Variants in SLC20A2 observed in about 807,000 individuals in gnomAD.
SLC20A2 encodes sodium-dependent phosphate transporter 2.
Under a neutral mutation model 61.0 loss-of-function variants are expected in SLC20A2, and 30 were observed. The observed-to-expected ratio is 0.49, with a 90% CI of 0.37 to 0.67. The LOEUF (loss-of-function observed/expected upper bound fraction) is 0.67, where lower values mean the gene tolerates loss of function less well. SLC20A2 is among the 30% of genes least tolerant of loss of function. The pLI is 0.00. For missense variants in SLC20A2, 626 were observed against 866.4 expected (o/e 0.72, Z 3.48); for synonymous variants, 351 against 353.3 (o/e 0.99, Z 0.07).
Position 42,490,740 on chromosome 8 carries a change from C to T in SLC20A2, c.-265+10291G>A, listed in dbSNP as rs184739089. ...AAGCAGAGATGGCAAAAATCAGGCC[C>T]GAGAGAAAGAGGTGAGTTGCCGGGC... is the stretch of plus-strand genomic sequence containing the variant. On this transcript the variant is annotated intron_variant, in intron 1 of 10. Coordinates refer to ENST00000520262, the MANE Select transcript of SLC20A2 (RefSeq NM_001257180.2). Among the ~76,000 whole-genome samples the T allele has an allele frequency of 1.8e-3, 279 of 152,210 alleles. 4 individuals carry two copies. Among genetic ancestry groups the T allele is most frequent in the Middle Eastern group, 3.4e-3 (1 of 294 alleles).
chr8:42,517,115 G>GA (rs1811364735), intron 1 of SLC20A2, among the ~76,000 whole-genome samples: 47 of 152,160 alleles, frequency 3.1e-4, no homozygotes, highest in Admixed American at 3.1e-3. Flanking sequence ...GCTATCTATA[G>GA]TATTAGTCAT....
chr8:42,454,629 T>C (rs114322337), intron 5 of SLC20A2, among the ~76,000 whole-genome samples: 1 of 152,084 alleles, frequency 6.6e-6, no homozygotes, highest in African/African-American at 2.4e-5. Flanking sequence ...AGATTTTTTT[T>C]TTTTTTTGAG....
intron 6 of SLC20A2, among the ~76,000 whole-genome samples, chr8:42,444,190 G>A (rs555618059): frequency 2.2e-4 from 34 of 152,266 alleles, no homozygotes; most frequent in African/African-American, 7.5e-4. Flanking sequence ...ACTTTATAAA[G>A]AAACTGCAAA....
intron 1 of SLC20A2, among the ~76,000 whole-genome samples, chr8:42,517,381 AC>A (rs1286324791): frequency 8.6e-5 from 13 of 151,326 alleles, no homozygotes; most frequent in South Asian, 2.1e-4. Context: ...AAAAAAAAAA[AC>A]AATAATAAAA....
chr8:42,514,115 T>C (rs892402448), intron 1 of SLC20A2, among the ~76,000 whole-genome samples: 32 of 152,204 alleles, frequency 2.1e-4, no homozygotes, highest in African/African-American at 7.2e-4. Flanking sequence ...CATTAAAATC[T>C]CCTGAGAAGC....
At chr8:42,504,781 G>C (rs1810538517), upstream of SLC20A2, among the ~76,000 whole-genome samples, 1 of 140,572 alleles carries the variant, frequency 7.1e-6, no homozygotes, top group Admixed American at 7.7e-5. Context: ...GGGAGGCAGA[G>C]GCTGCAGTGA....
At chr8:42,506,519 T>C (rs2131363133) in intron 1 of SLC20A2, among the ~76,000 whole-genome samples, 1 of 152,300 alleles carries the variant, frequency 6.6e-6, no homozygotes, top group African/African-American at 2.4e-5. Flanking sequence ...TGAAGGGCAA[T>C]TTGGGATATT....
At chr8:42,459,388 T>C (rs1806524820) in intron 5 of SLC20A2, among the ~76,000 whole-genome samples, 1 of 152,130 alleles carries the variant, frequency 6.6e-6, no homozygotes, top group Non-Finnish European at 1.5e-5. Flanking sequence ...ACTGGTCTGA[T>C]ATTTCCAGGG....
At chr8:42,481,114 T>C (rs1808520485) in intron 1 of SLC20A2, among the ~76,000 whole-genome samples, 1 of 152,190 alleles carries the variant, frequency 6.6e-6, no homozygotes, top group South Asian at 2.1e-4. Flanking sequence ...TCTGCTGGCC[T>C]CTTTTCTCCT....
intron 1 of SLC20A2, among the ~76,000 whole-genome samples, chr8:42,476,895 C>T (rs1052896905): frequency 6.6e-6 from 1 of 152,220 alleles, no homozygotes; most frequent in African/African-American, 2.4e-5. Flanking sequence ...GTCCGGCCAG[C>T]TCCTGGCTAT....
At chr8:42,488,243 C>T (rs538064989) in intron 1 of SLC20A2, among the ~76,000 whole-genome samples, 21 of 136,064 alleles carry the variant, frequency 1.5e-4, no homozygotes, top group Non-Finnish European at 2.3e-4. Flanking sequence ...TGGAGTGCAG[C>T]GGCTCGATCT....
intron 1 of SLC20A2, among the ~76,000 whole-genome samples, chr8:42,514,739 T>G (rs1263522964): frequency 6.8e-6 from 1 of 147,022 alleles, no homozygotes; most frequent in East Asian, 2.0e-4. Flanking sequence ...GCCTGGGCAA[T>G]GGAGTAATAC....
chr8:42,437,858 C>T lies in SLC20A2; in HGVS notation c.935-281G>A, dbSNP rs753165725. Among the ~76,000 whole-genome samples, 33 of 151,804 alleles carry T rather than the reference C, an allele frequency of 2.2e-4. No homozygotes were observed. Among genetic ancestry groups the T allele is most frequent in the South Asian group, 6.2e-4 (3 of 4,806 alleles). Reference sequence around the variant, plus strand: ...CTCAAGCTCCTAACCTCATGATCCGCCCACCTTGGCCTCCTAAAGTGCTCG... The same window carrying T: ...CTCAAGCTCCTAACCTCATGATCCGTCCACCTTGGCCTCCTAAAGTGCTCG... On this transcript the variant is annotated intron_variant, in intron 7 of 10. Coordinates refer to ENST00000520262, the MANE Select transcript of SLC20A2 (RefSeq NM_001257180.2). The surrounding 1 kb of genome is among the most constrained non-coding windows in gnomAD (Gnocchi z 6.4).
At chr8:42,511,581 C>T (rs1224996730) in intron 1 of SLC20A2, among the ~76,000 whole-genome samples, 1 of 151,158 alleles carries the variant, frequency 6.6e-6, no homozygotes, top group Non-Finnish European at 1.5e-5. Flanking sequence ...GAGCCAAGAT[C>T]GCGCCACTGC....
At chr8:42,525,190 A>C (rs1811841746) in intron 1 of SLC20A2, among the ~76,000 whole-genome samples, 1 of 152,220 alleles carries the variant, frequency 6.6e-6, no homozygotes, top group African/African-American at 2.4e-5. Context: ...AGAAAAAGGA[A>C]GGGAGGCAAC....
At position 42,459,886 on chromosome 8, in the gene SLC20A2, G is replaced by C; in HGVS notation, c.613+10C>G. 1 of 1,590,026 alleles carries C rather than the reference G, an allele frequency of 6.3e-7. No individual in the cohort carries two copies. The highest frequency in any genetic ancestry group is 2.2e-5 in the East Asian group (1 of 44,726). On this transcript the variant is annotated intron_variant, in intron 5 of 10. Coordinates refer to ENST00000520262, the MANE Select transcript of SLC20A2 (RefSeq NM_001257180.2). ...TTTGCCCCTGGAGTATGCTTCCAAGGGATCCTTACCTGGTGCTCCTGTGTA... is the reference window on the plus strand; with the variant it reads ...TTTGCCCCTGGAGTATGCTTCCAAGCGATCCTTACCTGGTGCTCCTGTGTA...
At chr8:42,455,055 G>C (rs1025516243) in intron 5 of SLC20A2, among the ~76,000 whole-genome samples, 2 of 151,040 alleles carry the variant, frequency 1.3e-5, no homozygotes, top group African/African-American at 4.9e-5. Context: ...GTGAAACCCT[G>C]TCTCTACTAA....
At chr8:42,541,797 G>A (rs1370805198) in intron 1 of SLC20A2, 1 of 149,846 alleles carries the variant, frequency 6.7e-6, no homozygotes, top group African/African-American at 2.4e-5. Context: ...CCCGGACGCG[G>A]GGGTAAGGGG....
intron 1 of SLC20A2, among the ~76,000 whole-genome samples, chr8:42,524,307 T>C (rs2131409095): frequency 6.6e-6 from 1 of 152,314 alleles, no homozygotes; most frequent in East Asian, 1.9e-4. Flanking sequence ...TTTATAGTGA[T>C]TTAATATGTG....
Sources: allele counts gnomAD v4.1 joint callset (sites outside exome capture counted in the v4.1 genomes callset), GRCh38; gene constraint gnomAD v4.1.1; non-coding constraint Gnocchi (gnomAD v3.1); transcripts MANE v1.5; gene names NCBI Gene and HGNC (gene_info 2026-07-23, HGNC 2026-07-21).